TENM3: variants seen among roughly 807,000 people sequenced by gnomAD.
TENM3 encodes teneurin-3.
In TENM3, 63 loss-of-function variants were observed where a neutral mutation model predicts 255.1. The observed-to-expected ratio is 0.25, with a 90% CI of 0.20 to 0.30. TENM3 has a LOEUF of 0.30. Among genes scored for constraint, TENM3 ranks in the 10% least tolerant of loss-of-function variants. The pLI is 1.00. For missense variants in TENM3, 2,929 were observed against 3,461.1 expected, an observed-to-expected ratio of 0.85 and a Z score of 3.86; for synonymous variants, 1,306 against 1,322.3, an observed-to-expected ratio of 0.99 and a Z score of 0.27.
chr4:182,268,243 C>A (rs1487870749), intron 1 of TENM3, among the ~76,000 whole-genome samples: 1 of 152,178 alleles, frequency 6.6e-6, no homozygotes, highest in East Asian at 1.9e-4. Context: ...TTCTTAAACA[C>A]TTATTAATCT....
chr4:182,366,097 T>G (rs187507123), intron 3 of TENM3, among the ~76,000 whole-genome samples: 13 of 152,304 alleles, frequency 8.5e-5, no homozygotes, highest in Admixed American at 4.6e-4. Context: ...GACATGGATT[T>G]TTTTCTTATT....
the TENM3 span, among the ~76,000 whole-genome samples, chr4:181,685,754 C>T: frequency 3.3e-5 from 5 of 152,126 alleles, no homozygotes; most frequent in African/African-American, 1.2e-4. Context: ...GCTTATGTCC[C>T]CTTGATAGCT....
intron 1 of TENM3, among the ~76,000 whole-genome samples, chr4:182,245,386 G>A (rs13124389): frequency 0.18 from 27,494 of 152,168 alleles, 2,855 homozygotes; most frequent in Middle Eastern, 0.23. Flanking sequence ...TGCTGTTGTT[G>A]TTGATTTGTG....
chr4:182,038,746 T>G, the TENM3 span, among the ~76,000 whole-genome samples: 1 of 152,146 alleles, frequency 6.6e-6, no homozygotes, highest in Admixed American at 6.5e-5. Context: ...TATGATTATT[T>G]TTTTGAGACA....
chr4:182,564,681 A>G (rs1204961585), intron 3 of TENM3, among the ~76,000 whole-genome samples: 1 of 151,850 alleles, frequency 6.6e-6, no homozygotes, highest in African/African-American at 2.4e-5. Flanking sequence ...TGAATGGCTA[A>G]AGTGCCCTAT....
At chr4:182,740,005 C>T (rs1487011022) in intron 18 of TENM3, among the ~76,000 whole-genome samples, 1 of 152,280 alleles carries the variant, frequency 6.6e-6, no homozygotes, top group African/African-American at 2.4e-5. Flanking sequence ...CACTGCACTC[C>T]AGCCTGAGTG....
At chr4:182,708,923 C>T (rs888559140) in intron 12 of TENM3, among the ~76,000 whole-genome samples, 1 of 152,050 alleles carries the variant, frequency 6.6e-6, no homozygotes, top group African/African-American at 2.4e-5. Flanking sequence ...ATTGAAACTC[C>T]AGGGAAAGTA....
intron 5 of TENM3, among the ~76,000 whole-genome samples, chr4:182,653,534 G>T (rs768974654): frequency 2.6e-5 from 4 of 152,192 alleles, no homozygotes; most frequent in Admixed American, 6.5e-5. Context: ...TGGTACCAAT[G>T]AAGTGAATAG....
intron 1 of TENM3, among the ~76,000 whole-genome samples, chr4:182,284,773 T>C (rs1760624387): frequency 6.6e-6 from 1 of 152,152 alleles, no homozygotes; most frequent in African/African-American, 2.4e-5. Context: ...TTGTGAATTA[T>C]TCAGAACACC....
chr4:182,615,548 A>T (rs1207831144), intron 4 of TENM3, among the ~76,000 whole-genome samples: 1 of 152,200 alleles, frequency 6.6e-6, no homozygotes, highest in Non-Finnish European at 1.5e-5. Context: ...ATTATGAAAC[A>T]TAAAGAAGAC....
rs1185847008 is a variant in TENM3, at chr4:182,789,438, T to A, written c.5601+49T>A. The stretch of plus-strand genomic sequence containing the variant: ...CAATAGGGAAAGGATAATTCACATT[T>A]TTCAGCAATCATCCAGAGCACTAAG... On this transcript the variant is annotated intron_variant, in intron 25 of 27. Transcript: ENST00000511685. The surrounding 1 kb of genome is among the most constrained non-coding windows in gnomAD (Gnocchi z 4.4). 3 of 1,540,818 alleles carry A rather than the reference T, an allele frequency of 1.9e-6. No homozygotes were observed. Among genetic ancestry groups the A allele is most frequent in the Non-Finnish European group, 2.6e-6 (3 of 1,133,858 alleles).
the TENM3 span, among the ~76,000 whole-genome samples, chr4:181,654,159 A>C: frequency 6.6e-6 from 1 of 151,638 alleles, no homozygotes; most frequent in Non-Finnish European, 1.5e-5. Context: ...CCCAAATAAT[A>C]GTCCTAAAAT....
the TENM3 span, among the ~76,000 whole-genome samples, chr4:181,534,978 C>CTT: frequency 1.3e-5 from 2 of 152,176 alleles, no homozygotes; most frequent in African/African-American, 2.4e-5. Context: ...ACAGCCATAG[C>CTT]TCTAGCACCC....
At chr4:181,476,980 A>G in the TENM3 span, among the ~76,000 whole-genome samples, 28 of 152,314 alleles carry the variant, frequency 1.8e-4, no homozygotes, top group African/African-American at 6.3e-4. Context: ...CAGAGGTTCC[A>G]GCATTATTTG....
chr4:182,417,125 C>T (rs560739533), intron 3 of TENM3, among the ~76,000 whole-genome samples: 22 of 152,044 alleles, frequency 1.4e-4, no homozygotes, highest in South Asian at 6.2e-4. Context: ...AGGCGCCTGC[C>T]ACCACGCCCA....
At chr4:181,974,640 T>C in the TENM3 span, among the ~76,000 whole-genome samples, 1 of 152,068 alleles carries the variant, frequency 6.6e-6, no homozygotes, top group African/African-American at 2.4e-5. Context: ...ACGTGGTCAG[T>C]GGAATAACGG....
chr4:182,017,585 C>A, the TENM3 span, among the ~76,000 whole-genome samples: 42 of 152,290 alleles, frequency 2.8e-4, no homozygotes, highest in African/African-American at 1.0e-3. Context: ...AATACAGACA[C>A]ACACACACAC....
intron 1 of TENM3, among the ~76,000 whole-genome samples, chr4:182,281,161 T>C (rs1172097976): frequency 6.6e-6 from 1 of 152,226 alleles, no homozygotes; most frequent in Non-Finnish European, 1.5e-5. Context: ...ATAGGGATTA[T>C]CCAGCCACAC....
intron 1 of TENM3, among the ~76,000 whole-genome samples, chr4:182,283,817 G>T (rs1056415600): frequency 1.3e-5 from 2 of 152,084 alleles, no homozygotes; most frequent in African/African-American, 2.4e-5. Flanking sequence ...TGGGTATGTG[G>T]GTGTTTGTTG....
Sources: allele counts gnomAD v4.1 joint callset (sites outside exome capture counted in the v4.1 genomes callset), GRCh38; gene constraint gnomAD v4.1.1; non-coding constraint Gnocchi (gnomAD v3.1); transcripts MANE v1.5; gene names NCBI Gene and HGNC (gene_info 2026-07-23, HGNC 2026-07-21).